Variants in NKAIN2 observed in about 807,000 individuals in gnomAD.
NKAIN2 encodes sodium/potassium-transporting ATPase subunit beta-1-interacting protein 2.
NKAIN2 carries 14 observed loss-of-function variants against 32.6 expected under a neutral mutation model. The observed-to-expected ratio is 0.43, with a 90% CI of 0.28 to 0.67. The LOEUF (loss-of-function observed/expected upper bound fraction) is 0.67, where lower values mean the gene tolerates loss of function less well. Ranked by LOEUF, NKAIN2 falls within the 30% of genes least tolerant of loss-of-function variation. The pLI is 0.17. For missense variants in NKAIN2, 198 were observed against 258.3 expected, an observed-to-expected ratio of 0.77 and a Z score of 1.60; for synonymous variants, 80 against 87.2, an observed-to-expected ratio of 0.92 and a Z score of 0.46.
At chr6:124,391,546 A>G (rs1773141158) in intron 3 of NKAIN2, among the ~76,000 whole-genome samples, 1 of 152,136 alleles carries the variant, frequency 6.6e-6, no homozygotes, top group African/African-American at 2.4e-5. Flanking sequence ...CCATTCTGAG[A>G]TCGCTTCTGC....
chr6:123,804,991 G>A (rs965841673), intron 1 of NKAIN2, among the ~76,000 whole-genome samples: 4 of 152,248 alleles, frequency 2.6e-5, no homozygotes, highest in Admixed American at 2.0e-4. Context: ...CTATAGGATG[G>A]AGAATTCTAT....
intron 3 of NKAIN2, among the ~76,000 whole-genome samples, chr6:124,517,990 G>A (rs1583374099): frequency 6.6e-6 from 1 of 151,890 alleles, no homozygotes; most frequent in East Asian, 1.9e-4. Context: ...GAGAAATATT[G>A]AAATAAATAT....
At chr6:124,194,129 C>T (rs750095126) in intron 1 of NKAIN2, among the ~76,000 whole-genome samples, 1 of 151,802 alleles carries the variant, frequency 6.6e-6, no homozygotes, top group Non-Finnish European at 1.5e-5. Context: ...GAAAAAGCAC[C>T]ACAAGTTCCC....
intron 3 of NKAIN2, among the ~76,000 whole-genome samples, chr6:124,399,763 A>G (rs1051642115): frequency 3.0e-4 from 45 of 152,186 alleles, no homozygotes; most frequent in African/African-American, 8.9e-4. Context: ...GGTACAATTA[A>G]TGGTTTCCGC....
At position 123,925,310 on chromosome 6, in the gene NKAIN2, A is replaced by G. The variant is rs142498098; in HGVS notation, c.54+121056A>G. On this transcript the variant is annotated intron_variant, in intron 1 of 6. Coordinates refer to ENST00000368417, the MANE Select transcript of NKAIN2 (RefSeq NM_001040214.3). The stretch of plus-strand genomic sequence containing the variant: ...AATTTCTATTCAAGGAAAGGACCTC[A>G]GGATTAAGCTCCAAATAAAAAGGCA... 4.4e-3 allele frequency among the ~76,000 whole-genome samples: 664 copies of G among 152,348 alleles called. 5 individuals are homozygous for G. The highest frequency in any genetic ancestry group is 0.015 in the African/African-American group (634 of 41,594).
chr6:124,621,990 A>G (rs1783123240), intron 3 of NKAIN2, among the ~76,000 whole-genome samples: 1 of 152,154 alleles, frequency 6.6e-6, no homozygotes, highest in African/African-American at 2.4e-5. Context: ...AAGTTTTATA[A>G]TGCCTAATTT....
chr6:124,351,412 G>A (rs563013193), intron 2 of NKAIN2, among the ~76,000 whole-genome samples: 58 of 150,690 alleles, frequency 3.8e-4, no homozygotes, highest in African/African-American at 1.2e-3. Context: ...GGCTGAAGTG[G>A]AAGGATTACC....
intron 1 of NKAIN2, among the ~76,000 whole-genome samples, chr6:124,260,672 G>T (rs967400851): frequency 3.9e-5 from 6 of 152,092 alleles, no homozygotes; most frequent in African/African-American, 1.4e-4. Context: ...GAAGCCACTG[G>T]AGAACATTTA....
intron 3 of NKAIN2, among the ~76,000 whole-genome samples, chr6:124,525,826 CTG>C (rs1779290993): frequency 6.6e-6 from 1 of 152,128 alleles, no homozygotes; most frequent in Non-Finnish European, 1.5e-5. Context: ...GACGTAGAAT[CTG>C]TGATTCCAAA....
chr6:123,874,485 A>T (rs1773070285), intron 1 of NKAIN2, among the ~76,000 whole-genome samples: 1 of 152,184 alleles, frequency 6.6e-6, no homozygotes, highest in Admixed American at 6.5e-5. Flanking sequence ...GCACACCATC[A>T]TTATTGAATA....
At chr6:124,224,424 A>G (rs2114708121) in intron 1 of NKAIN2, among the ~76,000 whole-genome samples, 1 of 152,238 alleles carries the variant, frequency 6.6e-6, no homozygotes. Flanking sequence ...CCGTTTAGGT[A>G]GCCTAAGACA....
chr6:124,678,279 AT>A (rs1773456019), intron 4 of NKAIN2, among the ~76,000 whole-genome samples: 1 of 151,940 alleles, frequency 6.6e-6, no homozygotes, highest in South Asian at 2.1e-4. Context: ...TGGGGGCACT[AT>A]TTTTTCAAAT....
intron 3 of NKAIN2, chr6:124,390,585 G>C (rs1773098317): frequency 6.6e-6 from 1 of 152,128 alleles, no homozygotes; most frequent in African/African-American, 2.4e-5. Flanking sequence ...AGAGATACAT[G>C]AACAGAGTTC....
At chr6:124,334,926 G>A (rs1048400538) in intron 2 of NKAIN2, among the ~76,000 whole-genome samples, 1 of 152,184 alleles carries the variant, frequency 6.6e-6, no homozygotes, top group Non-Finnish European at 1.5e-5. Flanking sequence ...AAGCAAGATG[G>A]AGTCAGTTAG....
chr6:124,707,450 C>T, intron 4 of NKAIN2, among the ~76,000 whole-genome samples: 1 of 150,328 alleles, frequency 6.7e-6, no homozygotes, highest in South Asian at 2.1e-4. Flanking sequence ...AGTTTACAGT[C>T]CCACCAACAG....
chr6:124,550,896 A>G (rs561330840), intron 3 of NKAIN2, among the ~76,000 whole-genome samples: 1 of 152,144 alleles, frequency 6.6e-6, no homozygotes, highest in African/African-American at 2.4e-5. Flanking sequence ...TAGTCAAGAT[A>G]TTAGCTAAGA....
At chr6:124,447,323 A>C (rs1383630297) in intron 3 of NKAIN2, among the ~76,000 whole-genome samples, 1 of 152,152 alleles carries the variant, frequency 6.6e-6, no homozygotes, top group African/African-American at 2.4e-5. Flanking sequence ...AGTAGCCACT[A>C]AATAATATTT....
chr6:124,439,493 G>A (rs184862373), intron 3 of NKAIN2, among the ~76,000 whole-genome samples: 5 of 151,698 alleles, frequency 3.3e-5, no homozygotes, highest in Non-Finnish European at 7.4e-5. Context: ...GAAGCAAATC[G>A]TATGATGTCA....
intron 1 of NKAIN2, among the ~76,000 whole-genome samples, chr6:123,962,790 G>C (rs770956213): frequency 6.6e-6 from 1 of 152,234 alleles, no homozygotes; most frequent in Middle Eastern, 3.4e-3. Context: ...AGCCATTATT[G>C]CCTGTTAAAA....
Sources: allele counts gnomAD v4.1 joint callset (sites outside exome capture counted in the v4.1 genomes callset), GRCh38; gene constraint gnomAD v4.1.1; transcripts MANE v1.5; gene names NCBI Gene and HGNC (gene_info 2026-07-23, HGNC 2026-07-21).